The following MBD5 variants were observed in gnomAD, a reference collection of about 807,000 sequenced individuals.
MBD5 encodes the protein methyl-CpG binding domain protein 5.
MBD5 carries 13 observed loss-of-function variants against 117.3 expected under a neutral mutation model. That is an observed-to-expected ratio of 0.11 (90% confidence interval 0.07 to 0.18). The LOEUF is 0.18. Ranked by LOEUF, MBD5 falls within the 10% of genes least tolerant of loss-of-function variation. The pLI, the probability that MBD5 is intolerant of heterozygous loss-of-function variation, is 1.00. For synonymous variants in MBD5, 727 were observed against 766.4 expected (o/e 0.95, Z 0.85); for missense variants, 1,879 against 2,093.8 (o/e 0.90, Z 2.00).
chr2:148,384,583 A>C, intron 4 of MBD5, among the ~76,000 whole-genome samples: 1 of 152,164 alleles, frequency 6.6e-6, no homozygotes. Context: ...GCTACCAATG[A>C]CTTTCTTCAT....
At chr2:148,084,437 T>C (rs1391269797) in intron 1 of MBD5, among the ~76,000 whole-genome samples, 2 of 152,226 alleles carry the variant, frequency 1.3e-5, no homozygotes, top group African/African-American at 2.4e-5. Flanking sequence ...TTTTAAAATA[T>C]AGTTTTAAAA....
chr2:148,159,603 T>C (rs1339071267), intron 1 of MBD5, among the ~76,000 whole-genome samples: 13 of 152,272 alleles, frequency 8.5e-5, no homozygotes, highest in Non-Finnish European at 1.5e-4. Context: ...TATTTCTCAA[T>C]TAGAAGTATA....
intron 4 of MBD5, among the ~76,000 whole-genome samples, chr2:148,402,606 T>C (rs899919635): frequency 2.0e-5 from 3 of 152,242 alleles, no homozygotes; most frequent in African/African-American, 7.2e-5. Context: ...GAATTGTATA[T>C]AAATGAAATA....
rs1190762670 is a variant in MBD5, at chr2:148,462,430, T to C, written c.114-152T>C. 6.3e-6 allele frequency: 4 copies of C among 635,932 alleles called. No individual in the cohort carries two copies. The East Asian group carries it at 1.1e-4, about 18-fold the overall frequency. The allele number at this position is 635,932 out of a possible 1,614,324, so 39.4% of individuals were successfully genotyped here. On this transcript the variant is annotated intron_variant, in intron 5 of 13. Transcript: ENST00000642680. Reference sequence around the variant, plus strand: ...AACACAATATTGTTAAAGGCTATAATTTAGTAGCTAACATAATATTGACAA... The same window carrying C: ...AACACAATATTGTTAAAGGCTATAACTTAGTAGCTAACATAATATTGACAA...
intron 3 of MBD5, among the ~76,000 whole-genome samples, chr2:148,290,121 A>G (rs1701468106): frequency 6.7e-6 from 1 of 149,188 alleles, no homozygotes; most frequent in African/African-American, 2.5e-5. Context: ...ACGCCCAGCT[A>G]ATTTTTTTGT....
chr2:148,259,012 C>G (rs922823495), intron 3 of MBD5, among the ~76,000 whole-genome samples: 4 of 152,126 alleles, frequency 2.6e-5, no homozygotes, highest in African/African-American at 9.7e-5. Context: ...ACACGAGACT[C>G]CTCATGTGGG....
At position 148,021,425 on chromosome 2, in the gene MBD5, A is replaced by G. The variant is rs1217172916; in HGVS notation, c.-1184A>G. On this transcript the variant is annotated 5_prime_UTR_variant, in exon 1 of 14. Coordinates refer to ENST00000642680, the MANE Select transcript of MBD5 (RefSeq NM_001378120.1). ...CGTGAGAGGAGGAGAGAAAGAAACC[A>G]AAAGCCTCTTAGCAACACAGACCCT... is the stretch of plus-strand genomic sequence containing the variant. 5.5e-6 allele frequency: 3 copies of G among 542,814 alleles called. No homozygotes were observed. The highest frequency in any genetic ancestry group is 1.9e-5 in the African/African-American group (1 of 51,986). The allele number at this position is 542,814 out of a possible 1,614,324, so 33.6% of individuals were successfully genotyped here.
At chr2:148,375,887 TATC>T (rs1357224405) in intron 4 of MBD5, among the ~76,000 whole-genome samples, 1 of 152,112 alleles carries the variant, frequency 6.6e-6, no homozygotes, top group Non-Finnish European at 1.5e-5. Context: ...CTGCTCTGAC[TATC>T]ATCGTTCATA....
chr2:148,182,942 C>G (rs1399740146), intron 2 of MBD5, among the ~76,000 whole-genome samples: 1 of 152,214 alleles, frequency 6.6e-6, no homozygotes, highest in Non-Finnish European at 1.5e-5. Context: ...CCACTGGTCT[C>G]TGATCTGCCT....
chr2:148,231,105 G>T (rs1699973369), intron 2 of MBD5, among the ~76,000 whole-genome samples: 1 of 152,126 alleles, frequency 6.6e-6, no homozygotes, highest in Non-Finnish European at 1.5e-5. Context: ...TCTGGCCCAA[G>T]TTCAACACTA....
chr2:148,476,463 A>C (rs1004425885), intron 8 of MBD5, among the ~76,000 whole-genome samples: 5 of 152,184 alleles, frequency 3.3e-5, no homozygotes, highest in African/African-American at 1.2e-4. Flanking sequence ...GGTATTTTTT[A>C]ATAACAGCCA....
chr2:148,428,811 G>C (rs535554130), intron 4 of MBD5, among the ~76,000 whole-genome samples: 91 of 152,222 alleles, frequency 6.0e-4, no homozygotes, highest in African/African-American at 2.0e-3. Context: ...ACAGAAACTG[G>C]ACCCCTTCCT....
intron 1 of MBD5, among the ~76,000 whole-genome samples, chr2:148,114,470 A>G (rs1002083923): frequency 6.6e-6 from 1 of 151,404 alleles, no homozygotes; most frequent in Non-Finnish European, 1.5e-5. Flanking sequence ...AGTCCATCTC[A>G]AAAAAAAACC....
At chr2:148,372,538 A>G (rs1248670431) in intron 4 of MBD5, among the ~76,000 whole-genome samples, 4 of 152,084 alleles carry the variant, frequency 2.6e-5, no homozygotes, top group Admixed American at 6.6e-5. Context: ...GTTCATCCTT[A>G]TGTAAAGGAC....
intron 3 of MBD5, among the ~76,000 whole-genome samples, chr2:148,255,814 A>T (rs969358703): frequency 2.6e-5 from 4 of 152,238 alleles, no homozygotes; most frequent in African/African-American, 9.6e-5. Context: ...TTGCCCAATC[A>T]TACCTGCAGC....
intron 4 of MBD5, among the ~76,000 whole-genome samples, chr2:148,450,613 A>T (rs1706699113): frequency 6.6e-6 from 1 of 152,126 alleles, no homozygotes; most frequent in African/African-American, 2.4e-5. Context: ...TCACATGATG[A>T]TGGCATTCCA....
At chr2:148,183,540 T>A (rs547656452) in intron 2 of MBD5, among the ~76,000 whole-genome samples, 2 of 152,180 alleles carry the variant, frequency 1.3e-5, no homozygotes, top group South Asian at 4.2e-4. Context: ...AAATTGGATG[T>A]ATATATATCT....
chr2:148,506,917 C>G (rs1370580340), intron 12 of MBD5, among the ~76,000 whole-genome samples: 1 of 152,110 alleles, frequency 6.6e-6, no homozygotes, highest in African/African-American at 2.4e-5. Context: ...GCTTTTTCTT[C>G]CTCTTTTAAG....
At chr2:148,426,966 A>G (rs1254648626) in intron 4 of MBD5, among the ~76,000 whole-genome samples, 3 of 152,186 alleles carry the variant, frequency 2.0e-5, no homozygotes, top group African/African-American at 7.2e-5. Context: ...AAAAAAACAA[A>G]CAACCCCATC....
Sources: allele counts gnomAD v4.1 joint callset (sites outside exome capture counted in the v4.1 genomes callset), GRCh38; gene constraint gnomAD v4.1.1; transcripts MANE v1.5; gene names NCBI Gene and HGNC (gene_info 2026-07-23, HGNC 2026-07-21).